Variants in CELF2 observed in about 807,000 individuals in gnomAD.
CELF2 encodes CUG triplet repeat RNA-binding protein 2.
CELF2 carries 8 observed loss-of-function variants against 62.6 expected under a neutral mutation model. The observed-to-expected ratio is 0.13, with a 90% CI of 0.07 to 0.23. The LOEUF (loss-of-function observed/expected upper bound fraction) is 0.23, where lower values mean the gene tolerates loss of function less well. Among genes scored for constraint, CELF2 ranks in the 10% least tolerant of loss-of-function variants. The pLI, the probability that CELF2 is intolerant of heterozygous loss-of-function variation, is 1.00. For synonymous variants in CELF2, 258 were observed against 250.0 expected, an observed-to-expected ratio of 1.03 and a Z score of -0.30; for missense variants, 333 against 671.0, an observed-to-expected ratio of 0.50 and a Z score of 5.56.
chr10:10,625,730 C>T, the CELF2 span, among the ~76,000 whole-genome samples: 6 of 152,316 alleles, frequency 3.9e-5, no homozygotes, highest in East Asian at 1.9e-4. Context: ...TCTCCATTCA[C>T]GCTTCTTATC....
rs531970704 is a variant in CELF2, at chr10:11,074,748, A to C, written c.74+56585A>C. Among the ~76,000 whole-genome samples, 119 of 152,252 alleles carry C rather than the reference A, an allele frequency of 7.8e-4. 2 individuals carry two copies. The highest frequency in any genetic ancestry group is 1.5e-3 in the Non-Finnish European group (101 of 68,012). On this transcript the variant is annotated intron_variant, in intron 1 of 12. Coordinates refer to ENST00000633077, the MANE Select transcript of CELF2 (RefSeq NM_001326342.2). ...ATTCTGAGTGTCACAAAAGGTGTAA[A>C]TCATGTGTTGCAACTCTGAGCACAT...
At chr10:10,597,534 C>G in the CELF2 span, among the ~76,000 whole-genome samples, 1 of 152,062 alleles carries the variant, frequency 6.6e-6, no homozygotes, top group Non-Finnish European at 1.5e-5. Flanking sequence ...AAAAAAAAAT[C>G]AACTCTAATG....
At chr10:10,590,962 A>G in the CELF2 span, among the ~76,000 whole-genome samples, 2 of 152,228 alleles carry the variant, frequency 1.3e-5, no homozygotes, top group Admixed American at 6.5e-5. Context: ...CTAAGCACAA[A>G]ATAAATGCAA....
At chr10:10,975,813 TGA>T (rs2051271012) in intron 2 of CELF2, among the ~76,000 whole-genome samples, 1 of 152,214 alleles carries the variant, frequency 6.6e-6, no homozygotes, top group Admixed American at 6.5e-5. Flanking sequence ...GCCAGTGGTG[TGA>T]GAGAGCAATC....
chr10:10,466,600 T>C, the CELF2 span, among the ~76,000 whole-genome samples: 3 of 152,226 alleles, frequency 2.0e-5, no homozygotes, highest in Non-Finnish European at 4.4e-5. Flanking sequence ...GGTAGAGATA[T>C]GTTGAAATGT....
intron 1 of CELF2, among the ~76,000 whole-genome samples, chr10:10,900,559 C>T (rs756245940): frequency 6.6e-6 from 1 of 152,064 alleles, no homozygotes; most frequent in Non-Finnish European, 1.5e-5. Context: ...GGAAAGTTCT[C>T]AACCTGAAAC....
chr10:11,106,472 A>G (rs1422871868), intron 1 of CELF2, among the ~76,000 whole-genome samples: 1 of 152,148 alleles, frequency 6.6e-6, no homozygotes, highest in South Asian at 2.1e-4. Flanking sequence ...CCTGACCTCA[A>G]GTGATCTGCC....
At chr10:11,158,073 T>A (rs765480385) in intron 1 of CELF2, among the ~76,000 whole-genome samples, 1 of 152,196 alleles carries the variant, frequency 6.6e-6, no homozygotes, top group African/African-American at 2.4e-5. Flanking sequence ...CCCCCTATAT[T>A]TGTCTTCATC....
chr10:11,006,343 G>C (rs1420932913), intron 1 of CELF2, among the ~76,000 whole-genome samples: 5 of 152,112 alleles, frequency 3.3e-5, no homozygotes, highest in Admixed American at 2.6e-4. Context: ...TTGTGGTTTA[G>C]TGCTTTTAAA....
At chr10:10,732,715 G>A in the CELF2 span, among the ~76,000 whole-genome samples, 6 of 152,140 alleles carry the variant, frequency 3.9e-5, no homozygotes, top group Non-Finnish European at 8.8e-5. Context: ...GTAGGCACAG[G>A]GTTTCACCAT....
the CELF2 span, among the ~76,000 whole-genome samples, chr10:10,750,155 G>A: frequency 2.0e-4 from 31 of 152,248 alleles, no homozygotes; most frequent in East Asian, 3.9e-3. Context: ...GATGGCACGT[G>A]CCTATAATCC....
the CELF2 span, among the ~76,000 whole-genome samples, chr10:10,524,163 T>C: frequency 3.6e-4 from 54 of 151,970 alleles, no homozygotes; most frequent in East Asian, 9.3e-3. Context: ...TGGGGGAAGA[T>C]GAAAATCATA....
intron 2 of CELF2, among the ~76,000 whole-genome samples, chr10:11,181,763 T>C (rs781303425): frequency 2.0e-5 from 3 of 152,258 alleles, no homozygotes; most frequent in Admixed American, 2.0e-4. Context: ...TGGTATACAT[T>C]ATAGGACCTC....
chr10:10,490,432 A>C, the CELF2 span, among the ~76,000 whole-genome samples: 2 of 152,154 alleles, frequency 1.3e-5, no homozygotes, highest in Non-Finnish European at 2.9e-5. Context: ...TCATTCAGCC[A>C]AATGCACTAA....
At chr10:10,827,166 G>C (rs756348686) in intron 1 of CELF2, among the ~76,000 whole-genome samples, 4 of 152,108 alleles carry the variant, frequency 2.6e-5, no homozygotes, top group Non-Finnish European at 4.4e-5. Context: ...TTTTGACCCA[G>C]ATCCCTGGGG....
chr10:10,619,711 C>G, the CELF2 span, among the ~76,000 whole-genome samples: 1 of 152,178 alleles, frequency 6.6e-6, no homozygotes, highest in Non-Finnish European at 1.5e-5. Flanking sequence ...ATTATCAACA[C>G]AGTTGGTGCC....
the CELF2 span, among the ~76,000 whole-genome samples, chr10:10,492,368 A>G: frequency 6.6e-5 from 10 of 152,228 alleles, no homozygotes; most frequent in Admixed American, 6.5e-4. Context: ...GTAAATGATG[A>G]GTTAATGGGT....
the CELF2 span, among the ~76,000 whole-genome samples, chr10:10,693,414 G>A: frequency 1.3e-5 from 2 of 149,306 alleles, no homozygotes; most frequent in African/African-American, 2.5e-5. Flanking sequence ...CGTTTTGCCA[G>A]TATTTTATTG....
chr10:10,911,165 C>T (rs1395483646), intron 1 of CELF2, among the ~76,000 whole-genome samples: 2 of 152,220 alleles, frequency 1.3e-5, no homozygotes, highest in East Asian at 1.9e-4. Flanking sequence ...CCCACTATCT[C>T]GAAATGACGG....
Sources: gnomAD v4.1 joint callset for allele counts (sites outside exome capture counted in the v4.1 genomes callset) on GRCh38, gnomAD v4.1.1 for gene constraint, MANE v1.5 for transcripts, NCBI Gene and HGNC (gene_info 2026-07-23, HGNC 2026-07-21) for gene names.